Variants in MED12L observed in about 807,000 individuals in gnomAD.
MED12L encodes mediator complex subunit 12L, also known as mediator of RNA polymerase II transcription subunit 12-like protein.
MED12L carries 60 observed loss-of-function variants against 281.3 expected under a neutral mutation model. The observed-to-expected ratio is 0.21, with a 90% CI of 0.17 to 0.26. MED12L has a LOEUF of 0.26. Among genes scored for constraint, MED12L ranks in the 10% least tolerant of loss-of-function variants. The pLI is 1.00. For missense variants in MED12L, 2,146 were observed against 2,680.9 expected (o/e 0.80, Z 4.41); for synonymous variants, 974 against 987.2 (o/e 0.99, Z 0.25).
At chr3:151,202,468 C>T (rs1344618490) in intron 16 of MED12L, among the ~76,000 whole-genome samples, 4 of 152,056 alleles carry the variant, frequency 2.6e-5, no homozygotes, top group East Asian at 3.9e-4. Flanking sequence ...GTCAAGAGTT[C>T]GAGACCAGCC....
intron 21 of MED12L, among the ~76,000 whole-genome samples, chr3:151,363,031 C>T (rs148859096): frequency 1.3e-5 from 2 of 151,950 alleles, no homozygotes; most frequent in South Asian, 4.1e-4. Context: ...GCCTATTTGA[C>T]CCTTAATACT....
intron 2 of MED12L, among the ~76,000 whole-genome samples, chr3:151,108,598 G>A (rs1319585875): frequency 6.6e-6 from 1 of 152,178 alleles, no homozygotes; most frequent in African/African-American, 2.4e-5. Flanking sequence ...AGCTAACTCA[G>A]CCTTCTTGAC....
rs2107950802 is a variant in MED12L, at chr3:151,368,195, G to A, written c.3494G>A (p.Arg1165Gln). The A allele has an allele frequency of 6.2e-7, 1 of 1,614,042 alleles. No homozygotes were observed. Among genetic ancestry groups the A allele is most frequent in the Non-Finnish European group, 8.5e-7 (1 of 1,179,982 alleles). ...DAEPGARMTC[R>Q]LLLHLFRAPQ... ...GAGCCTGGGGCGAGAATGACATGCC[G>A]ACTCTTGCTTCATCTCTTCCGAGCT... The change falls in exon 25 of 45, where the codon CGA becomes CAA. Residue 1165 changes from arginine (R) to glutamine (Q), a missense_variant. Physicochemically the swap from Arg to Gln is conservative, Grantham distance 43 (BLOSUM62 1). Transcript: ENST00000687756.
chr3:151,295,383 A>C, intron 16 of MED12L: 4 of 585,450 alleles, frequency 6.8e-6, no homozygotes, highest in Non-Finnish European at 1.2e-5. Flanking sequence ...CCAAAGAATT[A>C]GTGACCTTCT....
intron 37 of MED12L, among the ~76,000 whole-genome samples, chr3:151,388,863 A>G (rs1280067990): frequency 6.6e-6 from 1 of 152,222 alleles, no homozygotes; most frequent in Non-Finnish European, 1.5e-5. Flanking sequence ...ATGTTTTTCT[A>G]TTTAAATTAA....
At chr3:151,322,700 T>G (rs555253465) in intron 16 of MED12L, among the ~76,000 whole-genome samples, 1 of 152,272 alleles carries the variant, frequency 6.6e-6, no homozygotes, top group African/African-American at 2.4e-5. Flanking sequence ...GAATCTCTCT[T>G]GTTCCTTGGT....
chr3:151,396,344 A>G (rs1318408500), intron 39 of MED12L, among the ~76,000 whole-genome samples: 1 of 152,176 alleles, frequency 6.6e-6, no homozygotes, highest in Admixed American at 6.5e-5. Flanking sequence ...AATAACGCCT[A>G]GGGCCAGGCG....
rs959895516 is a variant in MED12L at position 151,239,923 on chromosome 3, A to G, written c.2250+46257A>G. On this transcript the variant is annotated intron_variant, in intron 16 of 44. Coordinates refer to ENST00000687756, the MANE Select transcript of MED12L (RefSeq NM_001393769.1). ...TGAAACTTCCCAAGTTCATTTTTGT[A>G]ACTTGTACAGAACACATATCTTTCA... is the stretch of plus-strand genomic sequence containing the variant. Among the ~76,000 whole-genome samples, 9 of 152,348 alleles carry G rather than the reference A, an allele frequency of 5.9e-5. No homozygotes were observed. The East Asian group carries it at 1.3e-3, about 23-fold the overall frequency.
chr3:151,307,645 G>C (rs911834442), intron 16 of MED12L, among the ~76,000 whole-genome samples: 1 of 151,386 alleles, frequency 6.6e-6, no homozygotes, highest in African/African-American at 2.4e-5. Context: ...GACAAGATTT[G>C]TGTCTAATGG....
chr3:151,334,386 C>T (rs191653421), intron 16 of MED12L, among the ~76,000 whole-genome samples: 37 of 150,634 alleles, frequency 2.5e-4, no homozygotes, highest in African/African-American at 8.5e-4. Context: ...GTCTTCAGTG[C>T]AAAATGATTG....
chr3:151,263,984 T>C (rs899507944), intron 16 of MED12L, among the ~76,000 whole-genome samples: 1 of 152,246 alleles, frequency 6.6e-6, no homozygotes, highest in African/African-American at 2.4e-5. Flanking sequence ...TTACCACCAC[T>C]CCTTCCCTCT....
intron 16 of MED12L, among the ~76,000 whole-genome samples, chr3:151,331,883 T>C (rs1750394720): frequency 6.6e-6 from 1 of 152,226 alleles, no homozygotes; most frequent in South Asian, 2.1e-4. Flanking sequence ...AACCCAAATC[T>C]GCCGTAAAGT....
intron 16 of MED12L, among the ~76,000 whole-genome samples, chr3:151,216,372 G>A (rs2149241284): frequency 6.6e-6 from 1 of 152,270 alleles, no homozygotes; most frequent in South Asian, 2.1e-4. Flanking sequence ...CACAGTGAAT[G>A]ACAAGTTAGG....
At position 151,387,994 on chromosome 3, in the gene MED12L, A is replaced by G. The variant is rs1163720407; in HGVS notation, c.5273A>G (p.Tyr1758Cys). Residue 1758 changes from tyrosine to cysteine, a missense_variant, in exon 37 of 45, where the codon TAC (tyrosine) becomes TGC (cysteine). Tyr to Cys is a radical substitution (Grantham distance 194). Coordinates refer to ENST00000687756, the MANE Select transcript of MED12L (RefSeq NM_001393769.1). ...CACCCCATGCCCAAGCCCCGCAGTT[A>G]CTACCTCCAGCCACTGCCCCTGCCT... ...HTHPMPKPRS[Y>C]YLQPLPLPPE... 6.2e-7 allele frequency: 1 copy of G among 1,614,040 alleles called. No individual in the cohort carries two copies. Among genetic ancestry groups the G allele is most frequent in the Admixed American group, 1.7e-5 (1 of 60,016 alleles).
intron 16 of MED12L, chr3:151,328,339 A>G (rs373082357): frequency 9.9e-6 from 16 of 1,613,146 alleles, no homozygotes; most frequent in African/African-American, 8.0e-5. Flanking sequence ...TGGACTTTCT[A>G]TAAGAATCAT....
At chr3:151,289,941 T>C (rs548863569) in intron 16 of MED12L, among the ~76,000 whole-genome samples, 1 of 151,758 alleles carries the variant, frequency 6.6e-6, no homozygotes, top group African/African-American at 2.4e-5. Context: ...GGTGCAGTGG[T>C]GCGATCTCGG....
chr3:151,382,313 C>G, intron 32 of MED12L, among the ~76,000 whole-genome samples: 1 of 152,302 alleles, frequency 6.6e-6, no homozygotes, highest in East Asian at 1.9e-4. Flanking sequence ...ATGTAATTCT[C>G]TCTCTCCAGT....
At chr3:151,189,358 G>A (rs1723675880) in intron 13 of MED12L, among the ~76,000 whole-genome samples, 1 of 152,118 alleles carries the variant, frequency 6.6e-6, no homozygotes, top group Admixed American at 6.5e-5. Flanking sequence ...TGGAACATAG[G>A]GAGGAGTAAT....
At chr3:151,270,980 T>C (rs1740834205) in intron 16 of MED12L, among the ~76,000 whole-genome samples, 1 of 151,950 alleles carries the variant, frequency 6.6e-6, no homozygotes, top group South Asian at 2.1e-4. Context: ...AGTTGCTTTG[T>C]TAGAATAAAA....
Sources: allele counts gnomAD v4.1 joint callset (sites outside exome capture counted in the v4.1 genomes callset), GRCh38; gene constraint gnomAD v4.1.1; transcripts MANE v1.5; gene names NCBI Gene and HGNC (gene_info 2026-07-23, HGNC 2026-07-21).